The following KHDRBS2 variants were observed in gnomAD, a reference collection of about 807,000 sequenced individuals.
KHDRBS2 encodes KH RNA binding domain containing, signal transduction associated 2.
KHDRBS2 carries 26 observed loss-of-function variants against 44.3 expected under a neutral mutation model. The ratio of observed to expected loss-of-function variants is 0.59; its 90% confidence interval spans 0.43 to 0.81. The LOEUF (loss-of-function observed/expected upper bound fraction) is 0.81. Among genes scored for constraint, KHDRBS2 ranks in the 40% least tolerant of loss-of-function variants. KHDRBS2 has a pLI of 0.00. For missense variants in KHDRBS2, 476 were observed against 433.1 expected (o/e 1.10, Z -0.88); for synonymous variants, 194 against 151.1 (o/e 1.28, Z -2.08).
At chr6:62,185,234 G>A (rs1171359593) in intron 1 of KHDRBS2, among the ~76,000 whole-genome samples, 1 of 151,706 alleles carries the variant, frequency 6.6e-6, no homozygotes, top group Admixed American at 6.6e-5. Context: ...TTATAGCCTC[G>A]GTTATTAGGC....
the KHDRBS2 span, among the ~76,000 whole-genome samples, chr6:61,625,836 G>A: frequency 6.6e-6 from 1 of 152,150 alleles, no homozygotes; most frequent in African/African-American, 2.4e-5. Flanking sequence ...GCCTATGAAA[G>A]TTCTCATTGT....
In KHDRBS2 at chr6:62,087,062, T is replaced by C. The variant is rs76996426; in HGVS notation, c.220-39068A>G. Among the ~76,000 whole-genome samples, 585 of 152,190 alleles carry C rather than the reference T, an allele frequency of 3.8e-3. 2 individuals carry two copies. The highest frequency in any genetic ancestry group is 0.014 in the African/African-American group (566 of 41,538). Reference sequence around the variant, plus strand: ...ACAACAAAAGAAGGAACTATGTAAATTTATAAGACATGTATGAACCTTGTC... The same window carrying C: ...ACAACAAAAGAAGGAACTATGTAAACTTATAAGACATGTATGAACCTTGTC... On this transcript the variant is annotated intron_variant, in intron 2 of 8. Transcript: ENST00000281156.
intron 3 of KHDRBS2, among the ~76,000 whole-genome samples, chr6:61,981,731 A>T (rs1300953454): frequency 5.9e-5 from 9 of 152,178 alleles, no homozygotes; most frequent in Non-Finnish European, 1.2e-4. Flanking sequence ...ATCTCTAAGG[A>T]TTCATGTTCT....
At chr6:61,642,063 C>T in the KHDRBS2 span, among the ~76,000 whole-genome samples, 15 of 152,148 alleles carry the variant, frequency 9.9e-5, no homozygotes, top group Middle Eastern at 3.4e-3. Flanking sequence ...AACATGTCTA[C>T]GGAGCTCTAG....
intron 3 of KHDRBS2, among the ~76,000 whole-genome samples, chr6:62,003,993 C>T (rs1778742260): frequency 6.6e-6 from 1 of 152,108 alleles, no homozygotes; most frequent in Non-Finnish European, 1.5e-5. Flanking sequence ...CTCTGGGACA[C>T]ATTTAAAGCA....
intron 1 of KHDRBS2, among the ~76,000 whole-genome samples, chr6:62,248,385 G>A (rs1835969057): frequency 6.6e-6 from 1 of 151,082 alleles, no homozygotes; most frequent in Non-Finnish European, 1.5e-5. Context: ...TTTTAACAGA[G>A]TCTTGCTCTG....
intron 4 of KHDRBS2, among the ~76,000 whole-genome samples, chr6:61,920,227 G>C (rs1013801245): frequency 6.6e-6 from 1 of 151,896 alleles, no homozygotes; most frequent in African/African-American, 2.4e-5. Flanking sequence ...CCCATTGCCT[G>C]GGTGAGAGAC....
chr6:61,672,462 A>G, the KHDRBS2 span, among the ~76,000 whole-genome samples: 27 of 152,218 alleles, frequency 1.8e-4, 1 homozygote, highest in African/African-American at 6.0e-4. Flanking sequence ...AGTCCCACCA[A>G]CAGTGTAAAA....
At chr6:62,143,693 T>TG (rs1813331471) in intron 2 of KHDRBS2, among the ~76,000 whole-genome samples, 1 of 51,916 alleles carries the variant, frequency 1.9e-5, no homozygotes, top group African/African-American at 1.9e-4. Context: ...CTCAGATTAT[T>TG]ATTTTTTTTC....
At chr6:61,910,016 T>C (rs1399196356) in intron 4 of KHDRBS2, among the ~76,000 whole-genome samples, 1 of 152,228 alleles carries the variant, frequency 6.6e-6, no homozygotes, top group Non-Finnish European at 1.5e-5. Context: ...GGAAATGATA[T>C]GTAGTCTTTA....
At chr6:61,670,482 C>T in the KHDRBS2 span, among the ~76,000 whole-genome samples, 1 of 151,064 alleles carries the variant, frequency 6.6e-6, no homozygotes, top group African/African-American at 2.4e-5. Flanking sequence ...ACTCATAAAC[C>T]CCTAACAAGA....
chr6:61,836,884 C>G lies in KHDRBS2; in HGVS notation c.810+57751G>C, dbSNP rs150296830. Among the ~76,000 whole-genome samples the G allele has an allele frequency of 4.3e-3, 651 of 152,094 alleles. 8 individuals carry two copies. The highest frequency in any genetic ancestry group is 0.015 in the African/African-American group (609 of 41,532). On this transcript the variant is annotated intron_variant, in intron 6 of 8. Coordinates refer to ENST00000281156, the MANE Select transcript of KHDRBS2 (RefSeq NM_152688.4). ...TTAGTTGGTGTTGACAAGAGGCTTA[C>G]GATTCTATCATATTATGCAGATAGA... is the stretch of plus-strand genomic sequence containing the variant.
At chr6:61,828,998 T>C (rs1246195702) in intron 6 of KHDRBS2, among the ~76,000 whole-genome samples, 2 of 152,250 alleles carry the variant, frequency 1.3e-5, no homozygotes, top group Non-Finnish European at 2.9e-5. Flanking sequence ...AGCAAAATGA[T>C]TCTTTAAAAA....
chr6:61,681,717 C>T (rs1223319680), intron 8 of KHDRBS2, among the ~76,000 whole-genome samples: 1 of 151,820 alleles, frequency 6.6e-6, no homozygotes, highest in African/African-American at 2.4e-5. Flanking sequence ...AGGAAAACTC[C>T]ATTTACCTGC....
chr6:61,799,648 C>G (rs1023081966), intron 6 of KHDRBS2, among the ~76,000 whole-genome samples: 39 of 151,876 alleles, frequency 2.6e-4, no homozygotes, highest in African/African-American at 7.0e-4. Context: ...CTACCCTGAC[C>G]CTTATTCTCT....
intron 6 of KHDRBS2, among the ~76,000 whole-genome samples, chr6:61,771,737 G>A (rs1367037392): frequency 6.6e-6 from 1 of 152,052 alleles, no homozygotes; most frequent in Non-Finnish European, 1.5e-5. Flanking sequence ...CAATAATAAT[G>A]AGAGACTTTA....
At chr6:62,153,270 A>G (rs555484777) in intron 2 of KHDRBS2, among the ~76,000 whole-genome samples, 2 of 152,126 alleles carry the variant, frequency 1.3e-5, no homozygotes, top group East Asian at 3.9e-4. Context: ...TGCTTGTACA[A>G]CTCTAATGCT....
intron 4 of KHDRBS2, among the ~76,000 whole-genome samples, chr6:61,903,810 G>A (rs1378441881): frequency 6.6e-6 from 1 of 152,040 alleles, no homozygotes; most frequent in Admixed American, 6.6e-5. Context: ...GCTTTCTGAA[G>A]GATGAGAGGT....
chr6:62,071,157 C>G (rs1348195087), intron 2 of KHDRBS2, among the ~76,000 whole-genome samples: 1 of 152,142 alleles, frequency 6.6e-6, no homozygotes, highest in African/African-American at 2.4e-5. Context: ...AGTTTCTGTT[C>G]ATGTCCTTCG....
Sources: gnomAD v4.1 joint callset for allele counts (sites outside exome capture counted in the v4.1 genomes callset) on GRCh38, gnomAD v4.1.1 for gene constraint, MANE v1.5 for transcripts, NCBI Gene and HGNC (gene_info 2026-07-23, HGNC 2026-07-21) for gene names.